Variants in XRCC2 observed in about 807,000 individuals in gnomAD.
XRCC2 encodes DNA repair protein XRCC2.
In XRCC2, 24 loss-of-function variants were observed where a neutral mutation model predicts 27.3. The ratio of observed to expected loss-of-function variants is 0.88; its 90% CI spans 0.64 to 1.24. The LOEUF is 1.24. XRCC2 is among the 50% of genes most tolerant of loss of function. The pLI is 0.00. For synonymous variants in XRCC2, 106 were observed against 115.4 expected, an observed-to-expected ratio of 0.92 and a Z score of 0.52; for missense variants, 321 against 325.8, an observed-to-expected ratio of 0.99 and a Z score of 0.11.
Position 152,648,366 on chromosome 7 carries a change from CA to C in XRCC2, c.*275del, listed in dbSNP as rs989735177. On this transcript the variant is annotated 3_prime_UTR_variant, in exon 3 of 3. Transcript: ENST00000359321. ...AGGCTGCAGCGGGCCGAGATTGTGC[CA>C]CTGCACTCCAGCAGCCTGGGAGACA... The C allele has an allele frequency of 6.7e-5, 15 of 224,882 alleles. No homozygotes were observed. Among genetic ancestry groups the C allele is most frequent in the African/African-American group, 3.4e-4 (15 of 44,374 alleles). 13.9% of individuals were successfully genotyped at this position (224,882 alleles called of 1,614,324 possible).
At chr7:152,667,405 CAAAAAAAAAAA>C (rs60136474) in intron 1 of XRCC2, among the ~76,000 whole-genome samples, 3 of 75,886 alleles carry the variant, frequency 4.0e-5, no homozygotes, top group African/African-American at 1.6e-4. Flanking sequence ...AACTCCGTCT[CAAAAAAAAAAA>C]AAAAAAAAAA....
intron 1 of XRCC2, among the ~76,000 whole-genome samples, chr7:152,667,972 G>A (rs2237809): frequency 0.083 from 12,130 of 146,424 alleles, 747 homozygotes; most frequent in Admixed American, 0.2. Context: ...AGGTTGCAGT[G>A]AGCCGAGATC....
intron 2 of XRCC2, 150 bp downstream of exon 2, chr7:152,660,551 A>C (rs922635401): frequency 3.4e-6 from 2 of 586,204 alleles, no homozygotes; most frequent in Non-Finnish European, 5.5e-6. Context: ...AAAGCTTAAA[A>C]GCTTTCTGTC....
At chr7:152,657,265 TTTTGTA>T (rs2098031089) in intron 2 of XRCC2, among the ~76,000 whole-genome samples, 1 of 151,688 alleles carries the variant, frequency 6.6e-6, no homozygotes, top group Admixed American at 6.6e-5. Flanking sequence ...ATAAACGTGT[TTTTGTA>T]TTTGTAACTG....
chr7:152,667,117 G>C (rs1390571357), intron 1 of XRCC2, among the ~76,000 whole-genome samples: 1 of 151,604 alleles, frequency 6.6e-6, no homozygotes, highest in Non-Finnish European at 1.5e-5. Context: ...ACTCAAGAAA[G>C]TATTATAGGC....
At chr7:152,657,463 C>T (rs2098031175) in intron 2 of XRCC2, among the ~76,000 whole-genome samples, 1 of 151,704 alleles carries the variant, frequency 6.6e-6, no homozygotes, top group Non-Finnish European at 1.5e-5. Context: ...TCATGCCCAG[C>T]TAATTTTTGT....
chr7:152,675,911 CGA>C, intron 1 of XRCC2, 128 bp downstream of exon 1: 2 of 1,264,376 alleles, frequency 1.6e-6, no homozygotes, highest in African/African-American at 1.5e-5. Context: ...GCGTCTAGGC[CGA>C]GAGGCCGGTC....
intron 2 of XRCC2, among the ~76,000 whole-genome samples, chr7:152,655,660 C>T (rs898151422): frequency 3.9e-5 from 6 of 152,150 alleles, no homozygotes; most frequent in East Asian, 3.9e-4. Context: ...TGCAGCGAGC[C>T]GTCACGGCGC....
At chr7:152,674,959 A>T (rs2098040273) in intron 1 of XRCC2, among the ~76,000 whole-genome samples, 1 of 151,776 alleles carries the variant, frequency 6.6e-6, no homozygotes, top group African/African-American at 2.4e-5. Flanking sequence ...TTAGAACAGC[A>T]GAGTTGAGTG....
intron 1 of XRCC2, 111 bp from the exon 2 acceptor site, chr7:152,660,893 G>T: frequency 1.1e-6 from 1 of 929,292 alleles, no homozygotes; most frequent in Non-Finnish European, 1.6e-6. Flanking sequence ...TTTAGGCTGG[G>T]TGCTGTGGCT....
At chr7:152,660,365 C>T (rs961956136) in intron 2 of XRCC2, among the ~76,000 whole-genome samples, 1 of 152,092 alleles carries the variant, frequency 6.6e-6, no homozygotes, top group Non-Finnish European at 1.5e-5. Context: ...GAAATACTAA[C>T]AAGTGGGTAC....
At chr7:152,672,129 T>C (rs1485087190) in intron 1 of XRCC2, among the ~76,000 whole-genome samples, 3 of 152,136 alleles carry the variant, frequency 2.0e-5, no homozygotes, top group African/African-American at 7.2e-5. Context: ...TGAGTGGAAG[T>C]AGACAGTTGG....
intron 1 of XRCC2, among the ~76,000 whole-genome samples, chr7:152,675,447 C>T (rs927660347): frequency 6.6e-6 from 1 of 152,182 alleles, no homozygotes; most frequent in African/African-American, 2.4e-5. Flanking sequence ...AGTTGACACA[C>T]AGTAAGTGCT....
chr7:152,649,115 T>C lies in XRCC2; in HGVS notation c.370A>G (p.Thr124Ala). ...GAGTAAAGTGTAAGAAGTAAGTGGG[T>C]GCTACTACTGCAGTACACCAAAAAA... is the stretch of plus-strand genomic sequence containing the variant. Reference protein sequence around the residue: ...RFFLVYCSSSTHLLLTLYSLE... With the variant: ...RFFLVYCSSSAHLLLTLYSLE... The change falls in exon 3 of 3, where the codon ACC becomes GCC. Residue 124 changes from threonine (T) to alanine (A), a missense_variant. Transcript: ENST00000359321. The C allele has an allele frequency of 6.2e-7, 1 of 1,614,096 alleles. No homozygotes were observed. Among genetic ancestry groups the C allele is most frequent in the Non-Finnish European group, 8.5e-7 (1 of 1,180,022 alleles).
intron 2 of XRCC2, among the ~76,000 whole-genome samples, chr7:152,650,015 C>A (rs947068300): frequency 3.3e-5 from 5 of 152,216 alleles, no homozygotes; most frequent in Admixed American, 3.3e-4. Context: ...CCACCAGCCA[C>A]GCACAGCCTG....
chr7:152,667,901 G>A (rs2237810), intron 1 of XRCC2, among the ~76,000 whole-genome samples: 57,463 of 151,344 alleles, frequency 0.38, 12,542 homozygotes, highest in Non-Finnish European at 0.47. Flanking sequence ...GGTGGTGGGC[G>A]CCTGTAATCC....
chr7:152,656,892 CA>C (rs1177273260), intron 2 of XRCC2, among the ~76,000 whole-genome samples: 1 of 152,022 alleles, frequency 6.6e-6, no homozygotes, highest in Non-Finnish European at 1.5e-5. Flanking sequence ...TCCTGAAATC[CA>C]AATGAGAAAA....
rs1425124615 is a variant in XRCC2 at position 152,648,951 on chromosome 7, C to T, written c.534G>A (p.Gln178=). 1 of 1,614,194 alleles carries T rather than the reference C, an allele frequency of 6.2e-7. No individual in the cohort carries two copies. The highest frequency in any genetic ancestry group is 1.6e-4 in the Middle Eastern group (1 of 6,062). ...AGTCATTTACAAGCTTCTCTAAGCACTGAGAACATTTCCTCAGAGTAGACT... is the reference window on the plus strand; with the variant it reads ...AGTCATTTACAAGCTTCTCTAAGCATTGAGAACATTTCCTCAGAGTAGACT... ...LQESTLRKCS[Q]CLEKLVNDYR... Residue 178 remains glutamine (Q), a synonymous_variant, in exon 3 of 3, where the codon CAG becomes CAA. Transcript: ENST00000359321.
intron 1 of XRCC2, among the ~76,000 whole-genome samples, chr7:152,663,263 T>C (rs181482877): frequency 7.0e-5 from 10 of 142,702 alleles, no homozygotes; most frequent in African/African-American, 2.6e-4. Context: ...GGCAGTGGTG[T>C]GGAAATGTAT....
Sources: allele counts gnomAD v4.1 joint callset (sites outside exome capture counted in the v4.1 genomes callset), GRCh38; gene constraint gnomAD v4.1.1; transcripts MANE v1.5; gene names NCBI Gene and HGNC (gene_info 2026-07-23, HGNC 2026-07-21).